Variants in SPATA13 observed in about 807,000 individuals in gnomAD.
The protein encoded by SPATA13 is spermatogenesis-associated protein 13.
SPATA13 carries 50 observed loss-of-function variants against 104.0 expected under a neutral mutation model. That is an observed-to-expected ratio of 0.48 (90% CI 0.38 to 0.61). The LOEUF is 0.61. SPATA13 is among the 20% of genes least tolerant of loss of function. The pLI, the probability that SPATA13 is intolerant of heterozygous loss-of-function variation, is 0.00. For missense variants in SPATA13, 1,524 were observed against 1,690.6 expected (o/e 0.90, Z 1.73); for synonymous variants, 606 against 667.5 (o/e 0.91, Z 1.42).
chr13:24,021,331 A>C (rs535952299), intron 3 of SPATA13, among the ~76,000 whole-genome samples: 1 of 152,220 alleles, frequency 6.6e-6, no homozygotes, highest in African/African-American at 2.4e-5. Context: ...AAGATGATTA[A>C]GAGAATATCA....
At position 24,306,434 on chromosome 13, in the gene SPATA13, G is replaced by A. The variant is rs1259055980; in HGVS notation, c.*3661G>A. On this transcript the variant is annotated 3_prime_UTR_variant, in exon 13 of 13. Coordinates refer to ENST00000382108, the MANE Select transcript of SPATA13 (RefSeq NM_001166271.3). ...TTGTCCCTCAAAGGAGTGTCAAGAA[G>A]TATGAATAAATGTCCTTTCACCAGC... 1 of 152,180 alleles carries A rather than the reference G, an allele frequency of 6.6e-6. No homozygotes were observed. Among genetic ancestry groups the A allele is most frequent in the African/African-American group, 2.4e-5 (1 of 41,440 alleles). The allele number at this position is 152,180 out of a possible 1,614,324, so 9.4% of individuals were successfully genotyped here.
At chr13:24,145,521 T>C (rs1881901385) in intron 3 of SPATA13, among the ~76,000 whole-genome samples, 1 of 152,176 alleles carries the variant, frequency 6.6e-6, no homozygotes, top group Non-Finnish European at 1.5e-5. Context: ...ACAGATGTAA[T>C]GAAAGTACTC....
chr13:24,031,752 A>G (rs1340967795), intron 3 of SPATA13, among the ~76,000 whole-genome samples: 1 of 152,212 alleles, frequency 6.6e-6, no homozygotes, highest in African/African-American at 2.4e-5. Context: ...CTCAGTCAAC[A>G]CTAGAAAATT....
intron 2 of SPATA13, among the ~76,000 whole-genome samples, chr13:24,004,384 G>C (rs965684066): frequency 1.3e-5 from 2 of 152,094 alleles, no homozygotes; most frequent in African/African-American, 4.8e-5. Flanking sequence ...CTTACTTATT[G>C]TTAGATTTCT....
At chr13:24,164,540 G>A (rs1194698946) in intron 1 of SPATA13, among the ~76,000 whole-genome samples, 1 of 152,214 alleles carries the variant, frequency 6.6e-6, no homozygotes, top group East Asian at 1.9e-4. Flanking sequence ...AAGGGAGGAA[G>A]CATTTGCGTG....
chr13:23,985,157 T>C (rs1875091516), intron 2 of SPATA13, among the ~76,000 whole-genome samples: 1 of 152,254 alleles, frequency 6.6e-6, no homozygotes, highest in Non-Finnish European at 1.5e-5. Flanking sequence ...AAATGCCCTT[T>C]CTTCCCGTCT....
intron 3 of SPATA13, among the ~76,000 whole-genome samples, chr13:24,145,904 C>T (rs112782391): frequency 0.017 from 2,590 of 152,180 alleles, 67 homozygotes; most frequent in African/African-American, 0.059. Flanking sequence ...AGGGAAGGAG[C>T]CTATTCCATA....
intron 1 of SPATA13, among the ~76,000 whole-genome samples, chr13:24,192,148 C>T (rs1869795820): frequency 1.3e-5 from 2 of 152,034 alleles, no homozygotes; most frequent in Admixed American, 1.3e-4. Flanking sequence ...CAGACAAGGC[C>T]CTGGGCAGGT....
Position 24,251,766 on chromosome 13 carries a change from G to A in SPATA13, c.2068G>A (p.Ala690Thr), listed in dbSNP as rs1232750956. ...MPAHQVPPYK[A>T]VSARFRPFTF... The stretch of plus-strand genomic sequence containing the variant: ...TGCTCACCAGGTGCCACCCTACAAG[G>A]CTGTGTCGGCCCGGTTCCGGCCCTT... Residue 690 changes from alanine to threonine, a missense_variant, in exon 4 of 13, where the codon GCT becomes ACT. This residue lies in a region of SPATA13 where 1,089 missense variants were observed against 1,135.9 expected (regional missense o/e 0.96). Coordinates refer to ENST00000382108, the MANE Select transcript of SPATA13 (RefSeq NM_001166271.3). The A allele has an allele frequency of 1.1e-5, 17 of 1,614,054 alleles. No individual in the cohort carries two copies. Among genetic ancestry groups the A allele is most frequent in the Non-Finnish European group, 1.4e-5 (16 of 1,180,026 alleles).
intron 3 of SPATA13, among the ~76,000 whole-genome samples, chr13:24,082,495 C>A (rs1289823767): frequency 6.6e-6 from 1 of 152,158 alleles, no homozygotes; most frequent in Non-Finnish European, 1.5e-5. Context: ...GAAGCTGTGG[C>A]CTTTTCTATA....
At chr13:24,103,504 A>AAAG (rs1458068316) in intron 3 of SPATA13, among the ~76,000 whole-genome samples, 4 of 115,578 alleles carry the variant, frequency 3.5e-5, no homozygotes, top group African/African-American at 1.3e-4. Context: ...AAAAAAAAAC[A>AAAG]AGAAAGAAAA....
Position 24,128,357 on chromosome 13 carries a change from C to G in SPATA13, c.-111-94462C>G, listed in dbSNP as rs557532186. ...TCTGGAACTTGCCTAACCTGCTCTG[C>G]AAAGGTTTCAAGATGTTCTAATGCA... On this transcript the variant is annotated intron_variant, in intron 3 of 14. Transcript: ENST00000424834. Among the ~76,000 whole-genome samples, 176 of 152,298 alleles carry G rather than the reference C, an allele frequency of 1.2e-3. 2 individuals carry two copies. The highest frequency in any genetic ancestry group is 1.3e-3 in the Non-Finnish European group (91 of 68,030).
At position 24,284,180 on chromosome 13, in the gene SPATA13, A is replaced by G. The variant is rs769785566; in HGVS notation, c.2210A>G (p.Asn737Ser). ...GAGCCCTCTGCCTTAGTGGATGACA[A>G]CGGTAGTGAGGAGGACTTCAGCTAT... ...GTEPSALVDDNGSEEDFSYED... is the reference protein window; with the variant it reads ...GTEPSALVDDSGSEEDFSYED... The change falls in exon 5 of 13, where the codon AAC becomes AGC. Residue 737 changes from asparagine to serine, a missense_variant. Physicochemically the swap from Asn to Ser is conservative, Grantham distance 46 (BLOSUM62 1). Coordinates refer to ENST00000382108, the MANE Select transcript of SPATA13 (RefSeq NM_001166271.3). 2 of 1,613,930 alleles carry G rather than the reference A, an allele frequency of 1.2e-6. No individual in the cohort carries two copies. Among genetic ancestry groups the G allele is most frequent in the East Asian group, 2.2e-5 (1 of 44,882 alleles).
intron 1 of SPATA13, among the ~76,000 whole-genome samples, chr13:24,207,383 A>G (rs1220079647): frequency 1.3e-5 from 2 of 152,232 alleles, no homozygotes; most frequent in African/African-American, 2.4e-5. Context: ...TTAAAATAAA[A>G]ATCGGAAAGA....
Position 24,081,252 on chromosome 13 carries a change from G to A in SPATA13, c.-112+63551G>A, listed in dbSNP as rs1014704886. ...CACCACTTTTTTGGTTTTTGGAGGG[G>A]ACAAAAAGTGAAGAGTTGAGTTAAT... On this transcript the variant is annotated intron_variant, in intron 3 of 14. Transcript: ENST00000424834. Among the ~76,000 whole-genome samples, 6 of 152,110 alleles carry A rather than the reference G, an allele frequency of 3.9e-5. No individual in the cohort carries two copies. In the South Asian group the frequency reaches 1.2e-3, roughly 31 times the overall value.
intron 2 of SPATA13, among the ~76,000 whole-genome samples, chr13:24,229,461 C>T (rs900133496): frequency 3.3e-5 from 5 of 152,054 alleles, no homozygotes; most frequent in African/African-American, 1.2e-4. Flanking sequence ...TTCATCTGCC[C>T]CTGGGGATGG....
At chr13:24,162,211 C>G (rs1168944365) in intron 1 of SPATA13, among the ~76,000 whole-genome samples, 1 of 152,252 alleles carries the variant, frequency 6.6e-6, no homozygotes, top group African/African-American at 2.4e-5. Context: ...GTTCTCCCAT[C>G]TCCTTCCTTA....
At chr13:24,116,760 G>A (rs1880853059) in intron 3 of SPATA13, among the ~76,000 whole-genome samples, 1 of 139,184 alleles carries the variant, frequency 7.2e-6, no homozygotes, top group Non-Finnish European at 1.5e-5. Flanking sequence ...GTATGTTGAA[G>A]CCCTACCAGC....
rs144525764 is a variant in SPATA13, at chr13:24,162,080, C to T, written c.-112+1148C>T. ...TATTCTCGGGGTGCCTGTCATGCAC[C>T]CTCCCTGTTCTCTGCCCTCCTCCCG... On this transcript the variant is annotated intron_variant, in intron 1 of 12. Coordinates refer to ENST00000382108, the MANE Select transcript of SPATA13 (RefSeq NM_001166271.3). 9.9e-5 allele frequency among the ~76,000 whole-genome samples: 15 copies of T among 152,254 alleles called. No individual in the cohort carries two copies. The East Asian group carries it at 2.9e-3, about 29-fold the overall frequency.
Sources: gnomAD v4.1 joint callset for allele counts (sites outside exome capture counted in the v4.1 genomes callset) on GRCh38, gnomAD v4.1.1 for gene constraint, gnomAD v4.1.1 regional missense constraint, MANE v1.5 for transcripts, NCBI Gene and HGNC (gene_info 2026-07-23, HGNC 2026-07-21) for gene names.